RPTOR: variants seen among roughly 807,000 people sequenced by gnomAD.
RPTOR encodes regulatory associated protein of MTOR complex 1, also known as regulatory-associated protein of mTOR.
A neutral mutation model predicts 169.9 loss-of-function variants in RPTOR; 21 were observed. The observed-to-expected ratio is 0.12, with a 90% CI of 0.09 to 0.18. The LOEUF (loss-of-function observed/expected upper bound fraction) is 0.18. RPTOR is among the 10% of genes least tolerant of loss of function. The pLI, the probability that RPTOR is intolerant of heterozygous loss-of-function variation, is 1.00. For missense variants in RPTOR, 1,133 were observed against 1,855.9 expected, an observed-to-expected ratio of 0.61 and a Z score of 7.16; for synonymous variants, 732 against 753.2, an observed-to-expected ratio of 0.97 and a Z score of 0.46.
At chr17:80,900,492 T>C (rs2068462473) in intron 20 of RPTOR, among the ~76,000 whole-genome samples, 1 of 152,240 alleles carries the variant, frequency 6.6e-6, no homozygotes, top group African/African-American at 2.4e-5. Context: ...AATTTTGTAC[T>C]TTTAGTAGAG....
chr17:80,743,311 GC>G (rs1287574573), intron 5 of RPTOR: 11 of 985,458 alleles, frequency 1.1e-5, no homozygotes, highest in Non-Finnish European at 1.3e-5. Flanking sequence ...CTGGCAGGGG[GC>G]AGGGCGCTCT....
intron 3 of RPTOR, among the ~76,000 whole-genome samples, chr17:80,662,587 C>T (rs906426961): frequency 1.3e-5 from 2 of 152,086 alleles, no homozygotes; most frequent in Admixed American, 1.3e-4. Context: ...GTTGCCAGAA[C>T]GCAAAACTCT....
chr17:80,849,402 C>T (rs1280362408), intron 11 of RPTOR, among the ~76,000 whole-genome samples: 2 of 152,216 alleles, frequency 1.3e-5, no homozygotes, highest in African/African-American at 4.8e-5. Context: ...ATGGAACAGG[C>T]CCTTCCTGCT....
At position 80,908,894 on chromosome 17, in the gene RPTOR, G is replaced by T; in HGVS notation, c.2485G>T (p.Val829Leu). Residue 829 changes from valine (V) to leucine (L), a missense_variant, in exon 21 of 34, where the codon GTG becomes TTG. This residue lies in a region of RPTOR where 123 missense variants were observed against 129.0 expected (regional missense o/e 0.95). Transcript: ENST00000306801. ...TGACCCCTATCCAGAGGTCTCGGAC[G>T]TGGCCATGAAAGTACTCAACAGCAT... Reference protein sequence around the residue: ...AADPYPEVSDVAMKVLNSIAY... With the variant: ...AADPYPEVSDLAMKVLNSIAY... 1 of 1,614,064 alleles carries T rather than the reference G, an allele frequency of 6.2e-7. No individual in the cohort carries two copies. Among genetic ancestry groups the T allele is most frequent in the Non-Finnish European group, 8.5e-7 (1 of 1,179,972 alleles).
intron 3 of RPTOR, among the ~76,000 whole-genome samples, chr17:80,664,578 T>C (rs9896001): frequency 0.053 from 8,022 of 152,130 alleles, 719 homozygotes; most frequent in African/African-American, 0.18. Flanking sequence ...CCTGCCTCTC[T>C]TTCCACCTCC....
intron 6 of RPTOR, among the ~76,000 whole-genome samples, chr17:80,768,881 C>T (rs544633750): frequency 3.9e-5 from 6 of 152,280 alleles, no homozygotes; most frequent in Admixed American, 2.6e-4. Flanking sequence ...CATGCAAAAA[C>T]TGTCAGTGCA....
rs1428981426 is a variant in RPTOR, at chr17:80,844,908, T to C, written c.1213-1565T>C. Among the ~76,000 whole-genome samples, 1 of 150,218 alleles carries C rather than the reference T, an allele frequency of 6.7e-6. No homozygotes were observed. The highest frequency in any genetic ancestry group is 1.9e-4 in the East Asian group (1 of 5,136). On this transcript the variant is annotated intron_variant, in intron 10 of 33. Transcript: ENST00000306801. This position sits in a 1 kb window ranked among gnomAD's most constrained non-coding sequence, Gnocchi z 4.7. ...GCACCTCCACTGCGGCCACCCACCT[T>C]CCCCCCGAGCAAAATCAAACAACGT... is the stretch of plus-strand genomic sequence containing the variant.
intron 13 of RPTOR, among the ~76,000 whole-genome samples, chr17:80,871,052 C>A (rs552076513): frequency 6.6e-6 from 1 of 152,278 alleles, no homozygotes; most frequent in Non-Finnish European, 1.5e-5. Context: ...ACCTTGACAG[C>A]TTTCAGGGGT....
At chr17:80,836,363 C>G (rs188907519) in intron 9 of RPTOR, among the ~76,000 whole-genome samples, 1 of 152,366 alleles carries the variant, frequency 6.6e-6, no homozygotes, top group East Asian at 1.9e-4. Context: ...TGAAAGCCTG[C>G]TATGTGCCTG....
chr17:80,583,048 T>TGG (rs1156900312), intron 1 of RPTOR, among the ~76,000 whole-genome samples: 1 of 151,854 alleles, frequency 6.6e-6, no homozygotes, highest in Non-Finnish European at 1.5e-5. Context: ...CCTGAGTAGC[T>TGG]GGGACCCCAG....
At chr17:80,779,239 T>G (rs1598298840) in intron 6 of RPTOR, among the ~76,000 whole-genome samples, 2 of 152,204 alleles carry the variant, frequency 1.3e-5, no homozygotes, top group South Asian at 4.1e-4. Context: ...AACTTCTGCC[T>G]GTAGAAACAC....
At chr17:80,629,159 G>T (rs34400743) in intron 2 of RPTOR, among the ~76,000 whole-genome samples, 3 of 148,890 alleles carry the variant, frequency 2.0e-5, no homozygotes, top group Non-Finnish European at 3.0e-5. Context: ...CAGCTCTTCC[G>T]TGTGTCTCTG....
intron 3 of RPTOR, among the ~76,000 whole-genome samples, chr17:80,697,111 G>A (rs2066043510): frequency 6.6e-6 from 1 of 152,140 alleles, no homozygotes; most frequent in Non-Finnish European, 1.5e-5. Flanking sequence ...TACAGTCAGA[G>A]AGTGAGCAAG....
intron 9 of RPTOR, among the ~76,000 whole-genome samples, chr17:80,827,959 G>A (rs1206893570): frequency 6.6e-6 from 1 of 152,218 alleles, no homozygotes; most frequent in Non-Finnish European, 1.5e-5. Context: ...CCAGGCTGTG[G>A]CTCTAGCCGT....
At chr17:80,616,512 T>G (rs2065311522) in intron 1 of RPTOR, among the ~76,000 whole-genome samples, 1 of 152,196 alleles carries the variant, frequency 6.6e-6, no homozygotes, top group Non-Finnish European at 1.5e-5. Flanking sequence ...TTCGCCAGGC[T>G]GGTCTCGAAC....
chr17:80,653,670 C>T (rs758793699), intron 3 of RPTOR, among the ~76,000 whole-genome samples: 3 of 152,206 alleles, frequency 2.0e-5, no homozygotes, highest in Non-Finnish European at 2.9e-5. Flanking sequence ...CACCAGTGCC[C>T]GGTCTCCGCC....
rs143412094 is a variant in RPTOR, at chr17:80,626,776, AATTATT to A, written c.265+1014_265+1019del. On this transcript the variant is annotated intron_variant, in intron 2 of 33. Transcript: ENST00000306801. ...AGACAACACAAAATACCATTCTAGG[AATTATT>A]ATTATTATTATTATTATTATTATTA... Among the ~76,000 whole-genome samples the A allele has an allele frequency of 3.0e-3, 418 of 141,010 alleles. 3 individuals are homozygous for A. Among genetic ancestry groups the A allele is most frequent in the East Asian group, 0.01 (50 of 4,920 alleles). 92.5% of individuals were successfully genotyped at this position (141,010 alleles called of 152,430 possible).
Position 80,545,505 on chromosome 17 carries a change from A to T in RPTOR, c.-125A>T. On this transcript the variant is annotated 5_prime_UTR_variant, in exon 1 of 34. Transcript: ENST00000306801. ...CTGAGTAAGGGTCTCCGCACTCTTT[A>T]TCCATTTGGTTTTCGATTTCCCGTT... 1 of 727,862 alleles carries T rather than the reference A, an allele frequency of 1.4e-6. No homozygotes were observed. The highest frequency in any genetic ancestry group is 1.8e-5 in the South Asian group (1 of 55,152). 45.1% of individuals were successfully genotyped at this position (727,862 alleles called of 1,614,324 possible). A position where few individuals can be genotyped will look rare whatever the true frequency, so the allele number is the denominator to read the frequency against.
chr17:80,904,761 A>G (rs1598392135), intron 20 of RPTOR, among the ~76,000 whole-genome samples: 2 of 152,190 alleles, frequency 1.3e-5, no homozygotes, highest in South Asian at 2.1e-4. Flanking sequence ...AGATTTTACA[A>G]CAGGACAGTT....
Sources: gnomAD v4.1 joint callset for allele counts (sites outside exome capture counted in the v4.1 genomes callset) on GRCh38, gnomAD v4.1.1 for gene constraint, gnomAD v4.1.1 regional missense constraint, Gnocchi (gnomAD v3.1) non-coding constraint, MANE v1.5 for transcripts, NCBI Gene and HGNC (gene_info 2026-07-23, HGNC 2026-07-21) for gene names.